Variants in SHANK2 observed in about 807,000 individuals in gnomAD.
The protein encoded by SHANK2 is SH3 and multiple ankyrin repeat domains 2, also known as SH3 and multiple ankyrin repeat domains protein 2.
In SHANK2, 43 loss-of-function variants were observed where a neutral mutation model predicts 133.7. The ratio of observed to expected loss-of-function variants is 0.32; its 90% CI spans 0.25 to 0.41. The LOEUF (loss-of-function observed/expected upper bound fraction) is 0.41. SHANK2 is among the 10% of genes least tolerant of loss of function. The pLI is 1.00. For missense variants in SHANK2, 1,994 were observed against 2,235.8 expected, an observed-to-expected ratio of 0.89 and a Z score of 2.18; for synonymous variants, 1,017 against 952.8, an observed-to-expected ratio of 1.07 and a Z score of -1.24.
intron 15 of SHANK2, among the ~76,000 whole-genome samples, chr11:70,674,601 G>A (rs998375590): frequency 6.6e-6 from 1 of 152,214 alleles, no homozygotes; most frequent in Non-Finnish European, 1.5e-5. Flanking sequence ...GGCCTGCCTC[G>A]GCCTCCCAAA....
chr11:71,152,020 A>AACGC (rs1432667815), intron 2 of SHANK2, among the ~76,000 whole-genome samples: 1 of 152,214 alleles, frequency 6.6e-6, no homozygotes, highest in Non-Finnish European at 1.5e-5. Flanking sequence ...GGTAGGTAGG[A>AACGC]ACGCAGGTCT....
chr11:70,683,536 G>A (rs1945076033), intron 15 of SHANK2, among the ~76,000 whole-genome samples: 1 of 152,178 alleles, frequency 6.6e-6, no homozygotes, highest in Admixed American at 6.5e-5. Flanking sequence ...CAAACCGGGT[G>A]GTTTAAACAG....
chr11:70,583,701 ACT>A (rs782784697), intron 17 of SHANK2, among the ~76,000 whole-genome samples: 4 of 152,146 alleles, frequency 2.6e-5, no homozygotes, highest in Non-Finnish European at 5.9e-5. Context: ...CTCCACGCTC[ACT>A]GTCAGGAGCC....
At chr11:71,116,029 C>A (rs1951972772) in intron 4 of SHANK2, among the ~76,000 whole-genome samples, 1 of 152,216 alleles carries the variant, frequency 6.6e-6, no homozygotes. Flanking sequence ...CAAGTGGCAT[C>A]TCATCTTTTT....
chr11:70,636,548 C>T (rs114892538), intron 17 of SHANK2, among the ~76,000 whole-genome samples: 86 of 119,968 alleles, frequency 7.2e-4, no homozygotes, highest in African/African-American at 2.7e-3. Context: ...TGTGTGAATG[C>T]GTGTTAGTAC....
At chr11:70,664,533 C>T (rs1265239115) in intron 15 of SHANK2, among the ~76,000 whole-genome samples, 1 of 152,202 alleles carries the variant, frequency 6.6e-6, no homozygotes, top group African/African-American at 2.4e-5. Context: ...TGCACTCTCC[C>T]TGGGGACACA....
intron 9 of SHANK2, among the ~76,000 whole-genome samples, chr11:71,058,635 C>T (rs1950949475): frequency 6.6e-6 from 1 of 152,252 alleles, no homozygotes; most frequent in South Asian, 2.1e-4. Flanking sequence ...GGACTCAGGG[C>T]CTCAGCGCAG....
chr11:70,644,976 C>A (rs1339980573), intron 17 of SHANK2, among the ~76,000 whole-genome samples: 2 of 152,174 alleles, frequency 1.3e-5, no homozygotes, highest in Non-Finnish European at 2.9e-5. Flanking sequence ...AATGCCAGCA[C>A]TTTGGGAGGC....
chr11:70,620,848 C>T (rs917828861), intron 17 of SHANK2, among the ~76,000 whole-genome samples: 18 of 152,152 alleles, frequency 1.2e-4, no homozygotes, highest in African/African-American at 2.7e-4. Flanking sequence ...AAGCAGGAAG[C>T]GACCCCTCAC....
At chr11:70,718,136 G>A (rs530699730) in intron 14 of SHANK2, among the ~76,000 whole-genome samples, 1 of 152,328 alleles carries the variant, frequency 6.6e-6, no homozygotes, top group East Asian at 1.9e-4. Flanking sequence ...GTGCAATTAC[G>A]CATGCCATTA....
In SHANK2 at chr11:70,473,161, A is replaced by G. The variant is rs782543226; in HGVS notation, c.5258T>C (p.Phe1753Ser). ...ACTGCGTCCCGCTGGGTTCAAGCCA[A>G]ATAGATCCCCAGAAGGGGGCTGGCT... is the stretch of plus-strand genomic sequence containing the variant. ...LPSQPPSGDLFGLNPAGRSRS... is the reference protein window; with the variant it reads ...LPSQPPSGDLSGLNPAGRSRS... The change falls in exon 26 of 26, where the codon TTT (phenylalanine) becomes TCT (serine). Residue 1753 changes from phenylalanine to serine, a missense_variant. By Grantham distance (155) the Phe-to-Ser change is radical. Coordinates refer to ENST00000601538, the MANE Select transcript of SHANK2 (RefSeq NM_012309.5). The surrounding 1 kb of genome is among the most constrained non-coding windows in gnomAD (Gnocchi z 5.9). The G allele has an allele frequency of 2.7e-5, 43 of 1,613,880 alleles. No homozygotes were observed. Among genetic ancestry groups the G allele is most frequent in the Non-Finnish European group, 2.5e-5 (29 of 1,179,824 alleles).
chr11:70,950,536 T>C (rs1950818362), intron 10 of SHANK2, among the ~76,000 whole-genome samples: 1 of 152,182 alleles, frequency 6.6e-6, no homozygotes, highest in South Asian at 2.1e-4. Context: ...TCACGGGGGC[T>C]CTACCCTCAT....
At chr11:70,755,458 C>T (rs1387352780) in intron 14 of SHANK2, among the ~76,000 whole-genome samples, 1 of 152,240 alleles carries the variant, frequency 6.6e-6, no homozygotes, top group Non-Finnish European at 1.5e-5. Flanking sequence ...GCCCCTCATC[C>T]CATCCCTGCC....
intron 11 of SHANK2, among the ~76,000 whole-genome samples, chr11:70,891,028 A>C (rs1949837367): frequency 6.6e-6 from 1 of 151,778 alleles, no homozygotes; most frequent in Non-Finnish European, 1.5e-5. Context: ...AGCTGGTGAG[A>C]GTGCAGGCAT....
intron 11 of SHANK2, among the ~76,000 whole-genome samples, chr11:70,838,785 G>T (rs545922950): frequency 2.0e-5 from 3 of 152,136 alleles, no homozygotes; most frequent in African/African-American, 7.2e-5. Flanking sequence ...TAGACTTCAG[G>T]GCCCTCCACT....
chr11:70,534,171 A>C (rs1348023537), intron 17 of SHANK2, among the ~76,000 whole-genome samples: 4 of 152,212 alleles, frequency 2.6e-5, no homozygotes, highest in African/African-American at 9.7e-5. Context: ...AAGAGGTTTA[A>C]TTGACTCACA....
intron 17 of SHANK2, among the ~76,000 whole-genome samples, chr11:70,503,615 C>T (rs2059093236): frequency 6.6e-6 from 1 of 152,236 alleles, no homozygotes; most frequent in African/African-American, 2.4e-5. Flanking sequence ...GGCTGCCATG[C>T]TATGGCCACT....
intron 8 of SHANK2, among the ~76,000 whole-genome samples, chr11:71,085,645 T>TATATAACATATTA (rs1462508392): frequency 9.5e-5 from 4 of 42,124 alleles, no homozygotes; most frequent in Non-Finnish European, 1.3e-4. Context: ...ATATAATATA[T>TATATAACATATTA]TATGTTATAT....
chr11:71,151,877 C>T (rs1418305127), intron 2 of SHANK2, among the ~76,000 whole-genome samples: 5 of 152,104 alleles, frequency 3.3e-5, no homozygotes, highest in South Asian at 2.1e-4. Flanking sequence ...AGTGAACACA[C>T]GCTGGGTGGG....
Sources: gnomAD v4.1 joint callset for allele counts (sites outside exome capture counted in the v4.1 genomes callset) on GRCh38, gnomAD v4.1.1 for gene constraint, Gnocchi (gnomAD v3.1) non-coding constraint, MANE v1.5 for transcripts, NCBI Gene and HGNC (gene_info 2026-07-23, HGNC 2026-07-21) for gene names.